COMMD1: variants seen among roughly 807,000 people sequenced by gnomAD.
COMMD1 encodes the protein copper metabolism domain containing 1.
In COMMD1, 10 loss-of-function variants were observed where a neutral mutation model predicts 17.2. The observed-to-expected ratio is 0.58, with a 90% CI of 0.36 to 0.99. COMMD1 has a LOEUF of 0.99. COMMD1 is among the 50% of genes least tolerant of loss of function. The pLI is 0.01. For synonymous variants in COMMD1, 97 were observed against 91.6 expected (o/e 1.06, Z -0.34); for missense variants, 270 against 231.8 (o/e 1.17, Z -1.07).
At chr2:61,895,361 C>T (rs1459920120) in intron 1 of COMMD1, among the ~76,000 whole-genome samples, 2 of 152,160 alleles carry the variant, frequency 1.3e-5, no homozygotes, top group Admixed American at 6.5e-5. Flanking sequence ...ACAGCAGAAC[C>T]GCACCCAGGT....
chr2:62,066,658 C>T (rs560302116), intron 2 of COMMD1, among the ~76,000 whole-genome samples: 1 of 151,648 alleles, frequency 6.6e-6, no homozygotes, highest in African/African-American at 2.4e-5. Flanking sequence ...GCCTTGGCCT[C>T]CCAAAGTGCT....
chr2:61,953,424 A>G (rs1471106398), intron 1 of COMMD1, among the ~76,000 whole-genome samples: 2 of 144,626 alleles, frequency 1.4e-5, no homozygotes, highest in African/African-American at 5.2e-5. Flanking sequence ...GCTGGAGTGC[A>G]GTGGCGCAAT....
At chr2:61,948,275 A>G (rs953971066) in intron 1 of COMMD1, among the ~76,000 whole-genome samples, 3 of 152,194 alleles carry the variant, frequency 2.0e-5, no homozygotes, top group Admixed American at 6.5e-5. Context: ...CCTAGCTAAT[A>G]AATCAACAAT....
intron 2 of COMMD1, among the ~76,000 whole-genome samples, chr2:62,118,080 T>C (rs1672652882): frequency 1.3e-5 from 2 of 152,204 alleles, no homozygotes; most frequent in South Asian, 4.1e-4. Flanking sequence ...CTTACTTTCT[T>C]TTCCTCCCTA....
In COMMD1 at chr2:61,989,392, A is replaced by G. The variant is rs539538053; in HGVS notation, c.181-11309A>G. On this transcript the variant is annotated intron_variant, in intron 1 of 2. Transcript: ENST00000311832. ...TATAGTATCATGCAGATTGGTTTCAATGTCCAAAAATCTCTGGGATCCACC... is the reference window on the plus strand; with the variant it reads ...TATAGTATCATGCAGATTGGTTTCAGTGTCCAAAAATCTCTGGGATCCACC... Among the ~76,000 whole-genome samples the G allele has an allele frequency of 6.6e-5, 10 of 152,116 alleles. No individual in the cohort carries two copies. The East Asian group carries it at 7.7e-4, about 12-fold the overall frequency.
At position 62,052,444 on chromosome 2, in the gene COMMD1, C is replaced by T. The variant is rs956491273; in HGVS notation, c.462+51462C>T. Among the ~76,000 whole-genome samples, 3 of 152,240 alleles carry T rather than the reference C, an allele frequency of 2.0e-5. No individual in the cohort carries two copies. The East Asian group carries it at 5.8e-4, about 29-fold the overall frequency. On this transcript the variant is annotated intron_variant, in intron 2 of 2. Coordinates refer to ENST00000311832, the MANE Select transcript of COMMD1 (RefSeq NM_152516.4). ...CGTATCTTCAGGGTCCTAGACTTTT[C>T]CATCAGATTATTCCATTGTTGCTTG...
intron 2 of COMMD1, among the ~76,000 whole-genome samples, chr2:62,001,260 C>T (rs1202115370): frequency 1.3e-5 from 2 of 152,114 alleles, no homozygotes; most frequent in African/African-American, 4.8e-5. Context: ...TTGGTTAGAT[C>T]TCAAAATCCT....
At position 61,937,468 on chromosome 2, in the gene COMMD1, C is replaced by T. The variant is rs78615779; in HGVS notation, c.180+31610C>T. Among the ~76,000 whole-genome samples, 1,169 of 152,176 alleles carry T rather than the reference C, an allele frequency of 7.7e-3. 15 individuals are homozygous for T. The highest frequency in any genetic ancestry group is 0.027 in the African/African-American group (1,111 of 41,508). ...TCCATCCTGTCCTTCAGTGGGACTC[C>T]GTATGGCCAAGGGACTTAGAGTAAA... On this transcript the variant is annotated intron_variant, in intron 1 of 2. Transcript: ENST00000311832.
intron 1 of COMMD1, among the ~76,000 whole-genome samples, chr2:61,925,875 A>G (rs1243422650): frequency 6.6e-6 from 1 of 152,192 alleles, no homozygotes; most frequent in Non-Finnish European, 1.5e-5. Flanking sequence ...AGGGATGTGT[A>G]TTTAGATCCA....
rs1669762736 is a variant in COMMD1, at chr2:62,026,567, C to G, written c.462+25585C>G. Among the ~76,000 whole-genome samples, 4 of 152,296 alleles carry G rather than the reference C, an allele frequency of 2.6e-5. No homozygotes were observed. The East Asian group carries it at 7.7e-4, about 29-fold the overall frequency. ...GTGGGGACAAATACCCAAACTATAT[C>G]ACTGTGTGATTAGTAATCTCTCTCA... is the stretch of plus-strand genomic sequence containing the variant. On this transcript the variant is annotated intron_variant, in intron 2 of 2. Transcript: ENST00000311832.
At chr2:62,006,188 A>C (rs1473170741) in intron 2 of COMMD1, among the ~76,000 whole-genome samples, 1 of 94,578 alleles carries the variant, frequency 1.1e-5, no homozygotes, top group East Asian at 3.7e-4. Flanking sequence ...TACTCTGGGG[A>C]CTGTTGTGGG....
intron 1 of COMMD1, among the ~76,000 whole-genome samples, chr2:61,924,098 A>T (rs1250738278): frequency 6.6e-6 from 1 of 152,176 alleles, no homozygotes; most frequent in African/African-American, 2.4e-5. Flanking sequence ...TTTCTTTAAT[A>T]GTGTGAAGCA....
chr2:61,903,211 A>T (rs554856525), upstream of COMMD1, among the ~76,000 whole-genome samples: 11 of 152,244 alleles, frequency 7.2e-5, no homozygotes, highest in African/African-American at 2.6e-4. Flanking sequence ...TGGGAGGCTG[A>T]GGTGGGTGGA....
chr2:62,058,755 G>T (rs1409080360), intron 2 of COMMD1, among the ~76,000 whole-genome samples: 1 of 151,924 alleles, frequency 6.6e-6, no homozygotes, highest in Non-Finnish European at 1.5e-5. Flanking sequence ...AAAGGTGGGA[G>T]GTATTAAATA....
intron 2 of COMMD1, among the ~76,000 whole-genome samples, chr2:62,046,309 G>A (rs1670382040): frequency 6.6e-6 from 1 of 152,204 alleles, no homozygotes; most frequent in South Asian, 2.1e-4. Flanking sequence ...TAAAGAATTT[G>A]GTCTGGCTAT....
chr2:61,974,463 G>A lies in COMMD1; in HGVS notation c.181-26238G>A, dbSNP rs1353876397. ...CTGAGGCAGGTGGATCACTAGGTCA[G>A]GAGTTCAAGACCAGCCTAGGCAAAG... On this transcript the variant is annotated intron_variant, in intron 1 of 2. Transcript: ENST00000311832. Among the ~76,000 whole-genome samples the A allele has an allele frequency of 2.0e-5, 3 of 151,652 alleles. No homozygotes were observed. In the East Asian group the frequency reaches 5.8e-4, roughly 29 times the overall value.
At chr2:62,072,495 T>C (rs1671224147) in intron 2 of COMMD1, among the ~76,000 whole-genome samples, 2 of 152,162 alleles carry the variant, frequency 1.3e-5, no homozygotes, top group African/African-American at 4.8e-5. Flanking sequence ...AAAACTCTTC[T>C]CCACCTTGCT....
rs777737219 is a variant in COMMD1, at chr2:62,011,223, G to A, written c.462+10241G>A. On this transcript the variant is annotated intron_variant, in intron 2 of 2. Coordinates refer to ENST00000311832, the MANE Select transcript of COMMD1 (RefSeq NM_152516.4). The stretch of plus-strand genomic sequence containing the variant: ...ATGTTTTATATTTACAATTGACAAT[G>A]TATAATACAATAAACTATTTATTTA... Among the ~76,000 whole-genome samples the A allele has an allele frequency of 3.7e-4, 56 of 152,196 alleles. No homozygotes were observed. In the Middle Eastern group the frequency reaches 0.027, roughly 74 times the overall value.
intron 1 of COMMD1, among the ~76,000 whole-genome samples, chr2:61,945,078 A>G (rs1472038272): frequency 1.3e-5 from 2 of 152,194 alleles, no homozygotes; most frequent in Non-Finnish European, 2.9e-5. Flanking sequence ...AGACCAGAAC[A>G]ACAACAAAAA....
Sources: gnomAD v4.1 joint callset for allele counts (sites outside exome capture counted in the v4.1 genomes callset) on GRCh38, gnomAD v4.1.1 for gene constraint, MANE v1.5 for transcripts, NCBI Gene and HGNC (gene_info 2026-07-23, HGNC 2026-07-21) for gene names.